The following ASAP1 variants were observed in gnomAD, a reference collection of about 807,000 sequenced individuals.
ASAP1 encodes the protein arf-GAP with SH3 domain, ANK repeat and PH domain-containing protein 1.
A neutral mutation model predicts 145.2 loss-of-function variants in ASAP1; 43 were observed. That is an observed-to-expected ratio of 0.30 (90% CI 0.23 to 0.38). ASAP1 has a LOEUF of 0.38. Ranked by LOEUF, ASAP1 falls within the 10% of genes least tolerant of loss-of-function variation. The probability of loss-of-function intolerance (pLI) is 1.00; values close to 1 mark genes in which losing one functional copy is unlikely to be tolerated. For missense variants in ASAP1, 1,018 were observed against 1,355.3 expected, an observed-to-expected ratio of 0.75 and a Z score of 3.91; for synonymous variants, 546 against 515.5, an observed-to-expected ratio of 1.06 and a Z score of -0.80.
chr8:130,069,301 T>A (rs1352416650), intron 27 of ASAP1, among the ~76,000 whole-genome samples: 2 of 152,188 alleles, frequency 1.3e-5, no homozygotes, highest in Non-Finnish European at 2.9e-5. Context: ...AGTGGCGTGA[T>A]CTTAGCTCAT....
At chr8:130,427,085 G>A (rs1344892288) in intron 1 of ASAP1, among the ~76,000 whole-genome samples, 1 of 152,218 alleles carries the variant, frequency 6.6e-6, no homozygotes, top group Non-Finnish European at 1.5e-5. Context: ...AGAGACGGCA[G>A]AGCAGGAGTG....
chr8:130,424,756 G>A (rs1335557188), intron 1 of ASAP1, among the ~76,000 whole-genome samples: 1 of 152,100 alleles, frequency 6.6e-6, no homozygotes, highest in African/African-American at 2.4e-5. Context: ...CACTTTGGTA[G>A]GTCAAGGTGG....
rs554379912 is a variant in ASAP1, at chr8:130,420,627, C to T, written c.-27-18657G>A. 1.8e-4 allele frequency among the ~76,000 whole-genome samples: 28 copies of T among 152,234 alleles called. No individual in the cohort carries two copies. In the South Asian group the frequency reaches 5.6e-3, roughly 30 times the overall value. On this transcript the variant is annotated intron_variant, in intron 1 of 29. Coordinates refer to ENST00000518721, the MANE Select transcript of ASAP1 (RefSeq NM_018482.4). ...GAAGTACTGAGGCCAGGTGCGGTGG[C>T]TCACACCTGTAATCCCAGCACTGTG... is the stretch of plus-strand genomic sequence containing the variant.
rs2097395300 is a variant in ASAP1 at position 130,052,682 on chromosome 8, A to G, written c.*2049T>C. On this transcript the variant is annotated 3_prime_UTR_variant, in exon 30 of 30. Transcript: ENST00000518721. ...CTGCAAAAGGGGAAAAAGAATAGAC[A>G]CTAACTCCATGTAATTTTAGACATG... 6.6e-6 allele frequency: 1 copy of G among 151,288 alleles called. No individual in the cohort carries two copies. Among genetic ancestry groups the G allele is most frequent in the African/African-American group, 2.4e-5 (1 of 41,148 alleles). 9.4% of individuals were successfully genotyped at this position (151,288 alleles called of 1,614,324 possible).
chr8:130,409,002 T>C (rs576030682), intron 1 of ASAP1, among the ~76,000 whole-genome samples: 25 of 152,236 alleles, frequency 1.6e-4, no homozygotes, highest in Admixed American at 3.3e-4. Context: ...TGGCTCATGC[T>C]TGTAATCCCA....
chr8:130,426,269 G>A (rs1004634926), intron 1 of ASAP1, among the ~76,000 whole-genome samples: 1 of 152,160 alleles, frequency 6.6e-6, no homozygotes, highest in Middle Eastern at 3.4e-3. Flanking sequence ...TACCATAATT[G>A]TAAGTTTCCT....
chr8:130,362,223 A>G (rs144925354), intron 2 of ASAP1, among the ~76,000 whole-genome samples: 7 of 152,340 alleles, frequency 4.6e-5, no homozygotes, highest in East Asian at 1.9e-4. Context: ...ATGACTGACC[A>G]GAAACCAGAG....
intron 12 of ASAP1, among the ~76,000 whole-genome samples, chr8:130,157,459 T>C (rs1322782468): frequency 6.6e-6 from 1 of 152,144 alleles, no homozygotes; most frequent in Non-Finnish European, 1.5e-5. Context: ...CCCATCTAGG[T>C]TTCTGATGCA....
At chr8:130,233,255 T>C (rs988651637) in intron 4 of ASAP1, among the ~76,000 whole-genome samples, 10 of 152,188 alleles carry the variant, frequency 6.6e-5, no homozygotes, top group African/African-American at 2.2e-4. Flanking sequence ...GATCCATTCA[T>C]GAATATTCAT....
intron 1 of ASAP1, among the ~76,000 whole-genome samples, chr8:130,429,932 T>G (rs983528986): frequency 1.3e-5 from 2 of 152,232 alleles, no homozygotes; most frequent in East Asian, 3.8e-4. Flanking sequence ...ACTCATTTCA[T>G]GATGATACAT....
At chr8:130,186,514 T>A (rs1446723342) in intron 7 of ASAP1, among the ~76,000 whole-genome samples, 1 of 151,996 alleles carries the variant, frequency 6.6e-6, no homozygotes, top group African/African-American at 2.4e-5. Flanking sequence ...CTCAGGGTAA[T>A]AATAATAAAG....
intron 26 of ASAP1, among the ~76,000 whole-genome samples, 187 bp downstream of exon 26, chr8:130,079,715 T>C (rs2097474457): frequency 6.6e-6 from 1 of 152,094 alleles, no homozygotes; most frequent in African/African-American, 2.4e-5. Flanking sequence ...TGCAGACCTG[T>C]GCCCAGTCCA....
intron 25 of ASAP1, among the ~76,000 whole-genome samples, chr8:130,086,410 G>C (rs1196043051): frequency 6.6e-6 from 1 of 152,248 alleles, no homozygotes; most frequent in Non-Finnish European, 1.5e-5. Context: ...GCACTTACAA[G>C]TGATGGCCTT....
At chr8:130,244,994 A>G (rs571883099) in intron 3 of ASAP1, among the ~76,000 whole-genome samples, 1 of 152,268 alleles carries the variant, frequency 6.6e-6, no homozygotes, top group Non-Finnish European at 1.5e-5. Flanking sequence ...AGTGCTAAGA[A>G]TCATCCTGTG....
At chr8:130,192,880 T>C (rs1286888750) in intron 5 of ASAP1, among the ~76,000 whole-genome samples, 1 of 152,196 alleles carries the variant, frequency 6.6e-6, no homozygotes, top group African/African-American at 2.4e-5. Context: ...AGTTCTTCTC[T>C]ACAGGGCTAT....
chr8:130,405,301 T>G (rs72724502), intron 1 of ASAP1, among the ~76,000 whole-genome samples: 3 of 152,042 alleles, frequency 2.0e-5, no homozygotes, highest in African/African-American at 7.2e-5. Flanking sequence ...TCACAAGATA[T>G]GAAATAACGT....
At chr8:130,353,779 G>C (rs7006600) in intron 3 of ASAP1, among the ~76,000 whole-genome samples, 2,100 of 152,290 alleles carry the variant, frequency 0.014, 48 homozygotes, top group African/African-American at 0.049. Flanking sequence ...GCAGAGGTGA[G>C]AGAATTGCTT....
chr8:130,182,664 T>C (rs1814435750), intron 7 of ASAP1, among the ~76,000 whole-genome samples: 1 of 152,028 alleles, frequency 6.6e-6, no homozygotes, highest in Admixed American at 6.5e-5. Context: ...CCAAAGATTA[T>C]AAGTCTCCAA....
chr8:130,202,944 A>C (rs1296720261), intron 5 of ASAP1, among the ~76,000 whole-genome samples: 1 of 152,236 alleles, frequency 6.6e-6, no homozygotes, highest in African/African-American at 2.4e-5. Context: ...CCATTTCTTC[A>C]TGTTTAACCC....
Sources: gnomAD v4.1 joint callset for allele counts (sites outside exome capture counted in the v4.1 genomes callset) on GRCh38, gnomAD v4.1.1 for gene constraint, MANE v1.5 for transcripts, NCBI Gene and HGNC (gene_info 2026-07-23, HGNC 2026-07-21) for gene names.